Variants in PDE3B observed in about 807,000 individuals in gnomAD.
The protein encoded by PDE3B is phosphodiesterase 3B.
Under a neutral mutation model 116.8 loss-of-function variants are expected in PDE3B, and 66 were observed. The observed-to-expected ratio is 0.56, with a 90% CI of 0.46 to 0.69. PDE3B has a LOEUF of 0.69. Ranked by LOEUF, PDE3B falls within the 30% of genes least tolerant of loss-of-function variation. PDE3B has a pLI of 0.00. For synonymous variants in PDE3B, 595 were observed against 533.6 expected (o/e 1.12, Z -1.59); for missense variants, 1,384 against 1,368.1 (o/e 1.01, Z -0.18).
chr11:14,888,805 T>G, the PDE3B span, among the ~76,000 whole-genome samples: 2 of 152,204 alleles, frequency 1.3e-5, no homozygotes, highest in Non-Finnish European at 1.5e-5. Flanking sequence ...TAAAAATAAA[T>G]TAATACGCTG....
At chr11:14,727,961 G>A (rs1357740370) in intron 1 of PDE3B, among the ~76,000 whole-genome samples, 1 of 152,000 alleles carries the variant, frequency 6.6e-6, no homozygotes, top group African/African-American at 2.4e-5. Context: ...GTGATGAAGA[G>A]CATGCTTATA....
chr11:14,806,588 G>A (rs1449924095), intron 5 of PDE3B, among the ~76,000 whole-genome samples: 4 of 151,766 alleles, frequency 2.6e-5, no homozygotes, highest in Admixed American at 6.6e-5. Context: ...GGCCGGGCGC[G>A]GTGGCTCATG....
intron 1 of PDE3B, among the ~76,000 whole-genome samples, chr11:14,768,124 C>T (rs1857546800): frequency 6.6e-6 from 1 of 151,262 alleles, no homozygotes. Flanking sequence ...TCATTTCATT[C>T]TTGCCTTTAC....
intron 3 of PDE3B, among the ~76,000 whole-genome samples, chr11:14,786,902 C>G (rs1164169240): frequency 6.6e-6 from 1 of 151,960 alleles, no homozygotes; most frequent in Admixed American, 6.6e-5. Flanking sequence ...GCACTTATAA[C>G]AACTATGTAT....
At chr11:14,700,821 A>G (rs1855339134) in intron 1 of PDE3B, 1 of 151,830 alleles carries the variant, frequency 6.6e-6, no homozygotes, top group African/African-American at 2.4e-5. Flanking sequence ...GTGGAAGAGC[A>G]AAAGGTCAGT....
In PDE3B at chr11:14,825,924, G is replaced by T. The variant is rs569250858; in HGVS notation, c.1808-4774G>T. On this transcript the variant is annotated intron_variant, in intron 7 of 15. Coordinates refer to ENST00000282096, the MANE Select transcript of PDE3B (RefSeq NM_000922.4). The stretch of plus-strand genomic sequence containing the variant: ...CTGAAGTCATGCCAAACATACTCCT[G>T]GACCACAGTGCAATAAAGATAGAAA... 2.6e-5 allele frequency among the ~76,000 whole-genome samples: 4 copies of T among 152,036 alleles called. No individual in the cohort carries two copies. In the South Asian group the frequency reaches 8.3e-4, roughly 32 times the overall value.
At chr11:14,695,720 A>G (rs1430406456) in intron 1 of PDE3B, among the ~76,000 whole-genome samples, 1 of 148,726 alleles carries the variant, frequency 6.7e-6, no homozygotes, top group African/African-American at 2.5e-5. Context: ...CCCTGTGTCC[A>G]TGTGTTCTCA....
At chr11:14,739,088 CT>C (rs1343640495) in intron 1 of PDE3B, among the ~76,000 whole-genome samples, 1 of 152,118 alleles carries the variant, frequency 6.6e-6, no homozygotes, top group Admixed American at 6.5e-5. Context: ...TATGCAGGCC[CT>C]TTTTTGGGTT....
intron 1 of PDE3B, among the ~76,000 whole-genome samples, chr11:14,768,679 G>C (rs1857560188): frequency 6.6e-6 from 1 of 151,324 alleles, no homozygotes; most frequent in African/African-American, 2.4e-5. Context: ...CATTCTTCCT[G>C]TCTCCTTCTG....
intron 11 of PDE3B, among the ~76,000 whole-genome samples, chr11:14,841,603 A>C (rs1445884550): frequency 6.8e-6 from 1 of 147,132 alleles, no homozygotes; most frequent in Non-Finnish European, 1.5e-5. Flanking sequence ...GAAATACCTG[A>C]GACTGAGTAA....
rs1293812477 is a variant in PDE3B at position 14,673,903 on chromosome 11, C to T, written c.978+28850C>T. On this transcript the variant is annotated intron_variant, in intron 1 of 15. Transcript: ENST00000282096. The stretch of plus-strand genomic sequence containing the variant: ...TTGAAGTATTCTTTTATCCCTGCCA[C>T]AACTTCATTAACCGCATACTCCTTA... 2.1e-6 allele frequency: 3 copies of T among 1,442,614 alleles called. No individual in the cohort carries two copies. The East Asian group carries it at 6.8e-5, about 33-fold the overall frequency. The allele number at this position is 1,442,614 out of a possible 1,614,324, so 89.4% of individuals were successfully genotyped here.
intron 7 of PDE3B, 149 bp from the exon 8 acceptor site, chr11:14,830,549 A>G (rs1859845572): frequency 2.6e-6 from 1 of 386,914 alleles, no homozygotes; most frequent in Non-Finnish European, 4.6e-6. Flanking sequence ...GCACAGGAAG[A>G]TACAACTTAA....
chr11:14,802,551 C>T (rs1460114472), intron 4 of PDE3B, among the ~76,000 whole-genome samples: 1 of 152,162 alleles, frequency 6.6e-6, no homozygotes, highest in African/African-American at 2.4e-5. Context: ...CCACCTTCTG[C>T]GTCAATCTTG....
At chr11:14,891,857 A>G in the PDE3B span, 1 of 1,409,630 alleles carries the variant, frequency 7.1e-7, no homozygotes, top group Non-Finnish European at 9.4e-7. Context: ...CTCAAAGGGC[A>G]GCCGGCACAC....
chr11:14,865,024 C>A (rs545814862), intron 14 of PDE3B, among the ~76,000 whole-genome samples: 1 of 152,028 alleles, frequency 6.6e-6, no homozygotes, highest in African/African-American at 2.4e-5. Context: ...ACACAGAAAA[C>A]CCTTCAAAAA....
intron 7 of PDE3B, among the ~76,000 whole-genome samples, chr11:14,830,292 G>A (rs1466420514): frequency 2.0e-5 from 3 of 151,904 alleles, no homozygotes; most frequent in Non-Finnish European, 4.4e-5. Context: ...ATAATATTAT[G>A]GTTTAAGGTT....
intron 1 of PDE3B, among the ~76,000 whole-genome samples, chr11:14,734,094 C>T (rs1042565931): frequency 4.6e-5 from 7 of 152,068 alleles, no homozygotes; most frequent in Non-Finnish European, 1.0e-4. Flanking sequence ...TTTCTTGAGA[C>T]AGGGTCTTGA....
At chr11:14,740,690 T>C (rs1229171368) in intron 1 of PDE3B, among the ~76,000 whole-genome samples, 4 of 152,240 alleles carry the variant, frequency 2.6e-5, no homozygotes, top group Non-Finnish European at 4.4e-5. Flanking sequence ...TTAATTGTGA[T>C]GTTAGTGCAT....
chr11:14,805,549 A>C (rs1479859669), intron 5 of PDE3B, among the ~76,000 whole-genome samples: 1 of 152,252 alleles, frequency 6.6e-6, no homozygotes, highest in Non-Finnish European at 1.5e-5. Context: ...CACCTTGAAT[A>C]CATGCAGTTT....
Sources: gnomAD v4.1 joint callset for allele counts (sites outside exome capture counted in the v4.1 genomes callset) on GRCh38, gnomAD v4.1.1 for gene constraint, MANE v1.5 for transcripts, NCBI Gene and HGNC (gene_info 2026-07-23, HGNC 2026-07-21) for gene names.